PGRMC1: variants seen among roughly 807,000 people sequenced by gnomAD.
PGRMC1 encodes progesterone receptor membrane component 1, also known as membrane-associated progesterone receptor component 1.
For synonymous variants in PGRMC1, 73 were observed against 77.3 expected, an observed-to-expected ratio of 0.94 and a Z score of 0.29; for missense variants, 145 against 169.0, an observed-to-expected ratio of 0.86 and a Z score of 0.79.
intron 1 of PGRMC1, among the ~76,000 whole-genome samples, chrX:119,239,671 C>T (rs751424513): frequency 9.0e-6 from 1 of 111,245 alleles, no homozygotes; most frequent in African/African-American, 3.3e-5. Flanking sequence ...CTCAAGCCCA[C>T]CAAAAAACAG....
intron 1 of PGRMC1, among the ~76,000 whole-genome samples, chrX:119,238,236 GA>G (rs1930743249): frequency 9.0e-6 from 1 of 111,237 alleles, no homozygotes; most frequent in Admixed American, 9.5e-5. Flanking sequence ...TTATTTTTTA[GA>G]GACAGGGTCT....
At chrX:119,240,009 C>G (rs1930782967) in intron 1 of PGRMC1, among the ~76,000 whole-genome samples, 4 of 112,224 alleles carry the variant, frequency 3.6e-5, no homozygotes, top group African/African-American at 1.3e-4. Context: ...CCTACTACCA[C>G]TACCCCAAGA....
At position 119,243,210 on chromosome X, in the gene PGRMC1, GA is replaced by G. The variant is rs762122381; in HGVS notation, c.545del (p.Asp182ValfsTer38). The G allele has an allele frequency of 8.3e-7, 1 of 1,203,858 alleles. No individual in the cohort carries two copies. ...KEGEEPTVYS[D>X]EEEPKDESAR... ...GGGGGAGGAGCCCACTGTGTACTCAGATGAGGAAGAACCAAAAGATGAGAGT... is the reference window on the plus strand; with the variant it reads ...GGGGGAGGAGCCCACTGTGTACTCAGTGAGGAAGAACCAAAAGATGAGAGT... On this transcript the variant is annotated frameshift_variant, in exon 3 of 3. Coordinates refer to ENST00000217971, the MANE Select transcript of PGRMC1 (RefSeq NM_006667.5). LOFTEE classifies it high-confidence loss of function.
chrX:119,236,586 C>G lies in PGRMC1; in HGVS notation c.223C>G (p.Pro75Ala). 3.3e-6 allele frequency: 4 copies of G among 1,207,962 alleles called. No individual in the cohort carries two copies. Among genetic ancestry groups the G allele is most frequent in the Non-Finnish European group, 4.5e-6 (4 of 893,522 alleles). ...CCGCCTCAAGCGGCGCGACTTCACC[C>G]CCGCCGAGCTGCGGCGCTTCGACGG... is the stretch of plus-strand genomic sequence containing the variant. Reference protein sequence around the residue: ...LPRLKRRDFTPAELRRFDGVQ... With the variant: ...LPRLKRRDFTAAELRRFDGVQ... The change falls in exon 1 of 3, where the codon CCC (proline) becomes GCC (alanine). Residue 75 changes from proline to alanine, a missense_variant. By Grantham distance (27) the Pro-to-Ala change is conservative (BLOSUM62 -1). Coordinates refer to ENST00000217971, the MANE Select transcript of PGRMC1 (RefSeq NM_006667.5).
At chrX:119,237,250 G>A (rs1211280983) in intron 1 of PGRMC1, among the ~76,000 whole-genome samples, 2 of 111,286 alleles carry the variant, frequency 1.8e-5, no homozygotes, top group Non-Finnish European at 3.8e-5. Flanking sequence ...GCCGAGACGG[G>A]ATTAGCAGCA....
chrX:119,236,666 CA>C lies in PGRMC1; in HGVS notation c.306del (p.Gly103AlafsTer33). 2 of 1,199,280 alleles carry C rather than the reference CA, an allele frequency of 1.7e-6. No individual in the cohort carries two copies. The highest frequency in any genetic ancestry group is 2.2e-6 in the Non-Finnish European group (2 of 889,585). Reference protein sequence around the residue: ...AINGKVFDVTKGRKFYGPEGP... With the variant: ...AINGKVFDVTXGRKFYGPEGP... Reference sequence around the variant, plus strand: ...TCAACGGCAAGGTGTTCGATGTGACCAAAGGCCGCAAATTCTACGGGCCCGG... The same window carrying C: ...TCAACGGCAAGGTGTTCGATGTGACCAAGGCCGCAAATTCTACGGGCCCGG... On this transcript the variant is annotated frameshift_variant, in exon 1 of 3. Transcript: ENST00000217971. LOFTEE classifies it high-confidence loss of function.
chrX:119,236,809 A>T, intron 1 of PGRMC1, 118 bp downstream of exon 1: 1 of 616,096 alleles, frequency 1.6e-6, no homozygotes. Context: ...AATGGCGGCG[A>T]GCTAGGGTAG....
chrX:119,242,973 A>G (rs1350269397), intron 2 of PGRMC1, among the ~76,000 whole-genome samples, 178 bp from the exon 3 acceptor site: 1 of 112,771 alleles, frequency 8.9e-6, no homozygotes, highest in Non-Finnish European at 1.9e-5. Context: ...TGTCTTCTGA[A>G]CAAAACAAAT....
In PGRMC1 at chrX:119,236,492, C is replaced by T. The variant is rs1469791937; in HGVS notation, c.129C>T (p.Tyr43=). The change falls in exon 1 of 3, where the codon TAC becomes TAT. Residue 43 remains tyrosine (Y), a synonymous_variant. Coordinates refer to ENST00000217971, the MANE Select transcript of PGRMC1 (RefSeq NM_006667.5). ...LLLGLCIFLL[Y]KIVRGDQPAA... is the part of the protein sequence containing the mutation. ...TTGGCCTCTGCATCTTCCTGCTCTACAAGATCGTGCGCGGGGACCAGCCGG... is the reference window on the plus strand; with the variant it reads ...TTGGCCTCTGCATCTTCCTGCTCTATAAGATCGTGCGCGGGGACCAGCCGG... 9 of 1,209,077 alleles carry T rather than the reference C, an allele frequency of 7.4e-6. No individual in the cohort carries two copies. Among genetic ancestry groups the T allele is most frequent in the Non-Finnish European group, 1.0e-5 (9 of 894,617 alleles).
chrX:119,236,833 CAG>C (rs41294890), intron 1 of PGRMC1, 142 bp downstream of exon 1: 34,353 of 527,395 alleles, frequency 0.065, 1,722 homozygotes, highest in African/African-American at 0.3. Context: ...GGTAGGCGGG[CAG>C]GCGGAGAGCC....
intron 2 of PGRMC1, among the ~76,000 whole-genome samples, chrX:119,241,091 T>G (rs144069757): frequency 0.016 from 1,819 of 112,489 alleles, 37 homozygotes; most frequent in African/African-American, 0.055. Context: ...AATTGGTTTC[T>G]GTCAAATCTA....
At position 119,236,627 on chromosome X, in the gene PGRMC1, C is replaced by G. The variant is rs772975498; in HGVS notation, c.264C>G (p.Arg88=). The G allele has an allele frequency of 4.4e-5, 53 of 1,205,870 alleles. No individual in the cohort carries two copies. Among genetic ancestry groups the G allele is most frequent in the Non-Finnish European group, 5.8e-5 (52 of 893,097 alleles). Reference sequence around the variant, plus strand: ...GCTTCGACGGCGTCCAGGACCCGCGCATACTCATGGCCATCAACGGCAAGG... The same window carrying G: ...GCTTCGACGGCGTCCAGGACCCGCGGATACTCATGGCCATCAACGGCAAGG... ...LRRFDGVQDP[R]ILMAINGKVF... The change falls in exon 1 of 3, where the codon CGC becomes CGG. Residue 88 remains arginine (R), a synonymous_variant. Transcript: ENST00000217971.
At chrX:119,243,013 C>A in intron 2 of PGRMC1, 138 bp from the exon 3 acceptor site, 1 of 514,014 alleles carries the variant, frequency 1.9e-6, no homozygotes, top group Non-Finnish European at 3.5e-6. Context: ...TGGTATAAAC[C>A]ACCTTTGTAT....
chrX:119,236,300 G>A lies in PGRMC1; in HGVS notation c.-64G>A. The A allele has an allele frequency of 2.9e-6, 3 of 1,050,143 alleles. No individual in the cohort carries two copies. The highest frequency in any genetic ancestry group is 2.6e-6 in the Non-Finnish European group (2 of 757,577). 86.5% of individuals were successfully genotyped at this position (1,050,143 alleles called of 1,213,427 possible). On this transcript the variant is annotated 5_prime_UTR_variant, in exon 1 of 3. Transcript: ENST00000217971. ...CCCGCGCGCCACTCGCTCGCTCAGA[G>A]GGAGGAGAAAGTGGCGAGTTCCGGA...
rs1930689299 is a variant in PGRMC1 at position 119,236,325 on chromosome X, A to G, written c.-39A>G. On this transcript the variant is annotated 5_prime_UTR_variant, in exon 1 of 3. Coordinates refer to ENST00000217971, the MANE Select transcript of PGRMC1 (RefSeq NM_006667.5). The stretch of plus-strand genomic sequence containing the variant: ...GGGAGGAGAAAGTGGCGAGTTCCGG[A>G]TCCCTGCCTAGCGCGGCCCAACCTT... 1 of 1,147,628 alleles carries G rather than the reference A, an allele frequency of 8.7e-7. No homozygotes were observed. Among genetic ancestry groups the G allele is most frequent in the East Asian group, 3.0e-5 (1 of 33,489 alleles). The allele number at this position is 1,147,628 out of a possible 1,213,427, so 94.6% of individuals were successfully genotyped here. A position where few individuals can be genotyped will look rare whatever the true frequency, so the allele number is the denominator to read the frequency against.
chrX:119,236,671 G>A lies in PGRMC1; in HGVS notation c.308G>A (p.Gly103Asp). The change falls in exon 1 of 3, where the codon GGC (glycine) becomes GAC (aspartate). Residue 103 changes from glycine to aspartate, a missense_variant. By Grantham distance (94) the Gly-to-Asp change is moderately conservative. Transcript: ENST00000217971. ...GGCAAGGTGTTCGATGTGACCAAAG[G>A]CCGCAAATTCTACGGGCCCGGTACG... ...INGKVFDVTK[G>D]RKFYGPEGPY... The A allele has an allele frequency of 8.3e-7, 1 of 1,199,652 alleles. No individual in the cohort carries two copies. Among genetic ancestry groups the A allele is most frequent in the Non-Finnish European group, 1.1e-6 (1 of 889,886 alleles).
rs988982223 is a variant in PGRMC1, at chrX:119,241,468, C to T, written c.484+1004C>T. On this transcript the variant is annotated intron_variant, in intron 2 of 2. Coordinates refer to ENST00000217971, the MANE Select transcript of PGRMC1 (RefSeq NM_006667.5). ...ACCTAATAGAGTCCCTAATTTTTGG[C>T]ATCATAAGGATGCCTTTGTAATTAG... Among the ~76,000 whole-genome samples the T allele has an allele frequency of 1.5e-4, 17 of 112,250 alleles. 1 individual carries two copies. The highest frequency in any genetic ancestry group is 4.8e-4 in the African/African-American group (15 of 30,939).
Position 119,236,636 on chromosome X carries a change from G to A in PGRMC1, c.273G>A (p.Met91Ile), listed in dbSNP as rs753116980. ...FDGVQDPRILMAINGKVFDVT... is the reference protein window; with the variant it reads ...FDGVQDPRILIAINGKVFDVT... ...GCGTCCAGGACCCGCGCATACTCAT[G>A]GCCATCAACGGCAAGGTGTTCGATG... The change falls in exon 1 of 3, where the codon ATG (methionine) becomes ATA (isoleucine). Residue 91 changes from methionine to isoleucine, a missense_variant. Transcript: ENST00000217971. 5.8e-6 allele frequency: 7 copies of A among 1,206,651 alleles called. No homozygotes were observed. The highest frequency in any genetic ancestry group is 6.7e-6 in the Non-Finnish European group (6 of 893,160).
At position 119,243,195 on chromosome X, in the gene PGRMC1, C is replaced by T; in HGVS notation, c.529C>T (p.Pro177Ser). 8.3e-7 allele frequency: 1 copy of T among 1,206,665 alleles called. No homozygotes were observed. The highest frequency in any genetic ancestry group is 1.1e-6 in the Non-Finnish European group (1 of 890,663). The change falls in exon 3 of 3, where the codon CCC becomes TCC. Residue 177 changes from proline (P) to serine (S), a missense_variant. Coordinates refer to ENST00000217971, the MANE Select transcript of PGRMC1 (RefSeq NM_006667.5). ...CAAACTGCTGAAGGAGGGGGAGGAG[C>T]CCACTGTGTACTCAGATGAGGAAGA... ...VGKLLKEGEE[P>S]TVYSDEEEPK...
Sources: gnomAD v4.1 joint callset for allele counts (sites outside exome capture counted in the v4.1 genomes callset) on GRCh38, gnomAD v4.1.1 for gene constraint, MANE v1.5 for transcripts, NCBI Gene and HGNC (gene_info 2026-07-23, HGNC 2026-07-21) for gene names.